The following PIGL variants were observed in gnomAD, a reference collection of about 807,000 sequenced individuals.
PIGL encodes the protein N-acetylglucosaminyl-phosphatidylinositol de-N-acetylase.
A neutral mutation model predicts 31.1 loss-of-function variants in PIGL; 22 were observed. The ratio of observed to expected loss-of-function variants is 0.71; its 90% confidence interval spans 0.51 to 1.01. The LOEUF (loss-of-function observed/expected upper bound fraction) is 1.01, where lower values mean the gene tolerates loss of function less well. PIGL is among the 50% of genes least tolerant of loss of function. PIGL has a pLI of 0.00. For missense variants in PIGL, 302 were observed against 315.9 expected, an observed-to-expected ratio of 0.96 and a Z score of 0.33; for synonymous variants, 131 against 117.4, an observed-to-expected ratio of 1.12 and a Z score of -0.75.
chr17:16,295,864 C>T (rs975283571), intron 2 of PIGL, among the ~76,000 whole-genome samples: 3 of 152,224 alleles, frequency 2.0e-5, no homozygotes, highest in South Asian at 2.1e-4. Context: ...TCACTTGAAC[C>T]GGGGAGGCAG....
chr17:16,245,818 A>T (rs975445555), intron 2 of PIGL, among the ~76,000 whole-genome samples: 4,298 of 112,748 alleles, frequency 0.038, 226 homozygotes, highest in African/African-American at 0.13. Flanking sequence ...ATATATATAT[A>T]TATTTTTTTT....
At chr17:16,297,564 T>C (rs529755029) in intron 2 of PIGL, among the ~76,000 whole-genome samples, 3 of 152,346 alleles carry the variant, frequency 2.0e-5, no homozygotes, top group Non-Finnish European at 4.4e-5. Context: ...GCTATTGTCA[T>C]TCCAAGACAT....
intron 3 of PIGL, among the ~76,000 whole-genome samples, chr17:16,306,356 G>A (rs1285706805): frequency 2.6e-5 from 4 of 152,024 alleles, no homozygotes. Context: ...GACATTCCAT[G>A]TTGAAATAAC....
At chr17:16,227,513 T>C (rs1030268365) in intron 1 of PIGL, among the ~76,000 whole-genome samples, 27 of 152,164 alleles carry the variant, frequency 1.8e-4, no homozygotes, top group Non-Finnish European at 3.7e-4. Context: ...GCTGATAATA[T>C]AGCATGTGAC....
intron 2 of PIGL, among the ~76,000 whole-genome samples, chr17:16,266,908 G>C (rs1278417977): frequency 9.2e-5 from 1 of 10,890 alleles, no homozygotes; most frequent in Non-Finnish European, 8.4e-4. Flanking sequence ...TTTTTTTTTG[G>C]GGGGGGGGGG....
At chr17:16,290,495 G>A (rs2092955984) in intron 2 of PIGL, among the ~76,000 whole-genome samples, 1 of 152,102 alleles carries the variant, frequency 6.6e-6, no homozygotes, top group Non-Finnish European at 1.5e-5. Flanking sequence ...CCAGGCTCAA[G>A]TGATCCTTAT....
chr17:16,274,463 C>A (rs2092885256), intron 2 of PIGL, among the ~76,000 whole-genome samples: 1 of 152,184 alleles, frequency 6.6e-6, no homozygotes, highest in Admixed American at 6.5e-5. Context: ...TGACTCACAC[C>A]TGTAATCCCA....
intron 4 of PIGL, among the ~76,000 whole-genome samples, chr17:16,313,845 C>A (rs1369099469): frequency 2.0e-5 from 3 of 152,128 alleles, no homozygotes; most frequent in Non-Finnish European, 4.4e-5. Flanking sequence ...CAGCTGAATT[C>A]TTTTTTATAC....
chr17:16,278,137 C>T (rs2092903169), intron 2 of PIGL, among the ~76,000 whole-genome samples: 1 of 151,958 alleles, frequency 6.6e-6, no homozygotes, highest in Admixed American at 6.6e-5. Context: ...CTCACCGCAA[C>T]CTCTGCCTCC....
At chr17:16,260,677 G>T (rs1282461752) in intron 2 of PIGL, among the ~76,000 whole-genome samples, 2 of 152,128 alleles carry the variant, frequency 1.3e-5, no homozygotes, top group Non-Finnish European at 2.9e-5. Flanking sequence ...CCTGCTTGCA[G>T]AAAGGAGCTA....
At chr17:16,263,092 TTG>T (rs1491266422) in intron 2 of PIGL, among the ~76,000 whole-genome samples, 1 of 20,778 alleles carries the variant, frequency 4.8e-5, no homozygotes, top group Non-Finnish European at 3.9e-4. Flanking sequence ...TATGGTTTAT[TTG>T]GGGGGGGGGG....
intron 6 of PIGL, among the ~76,000 whole-genome samples, chr17:16,320,482 C>CGAGG (rs2093100466): frequency 7.7e-6 from 1 of 130,708 alleles, no homozygotes; most frequent in Admixed American, 8.3e-5. Context: ...AGGGAGGAAA[C>CGAGG]GAGGGAGGGA....
intron 2 of PIGL, among the ~76,000 whole-genome samples, chr17:16,250,923 G>A (rs996247942): frequency 2.0e-5 from 3 of 152,116 alleles, no homozygotes; most frequent in Non-Finnish European, 4.4e-5. Flanking sequence ...TTTCACAAAG[G>A]CAGTCTCATT....
At chr17:16,292,624 G>T (rs1001900569) in intron 2 of PIGL, among the ~76,000 whole-genome samples, 8 of 152,070 alleles carry the variant, frequency 5.3e-5, no homozygotes, top group African/African-American at 1.9e-4. Context: ...CTAAAAAATT[G>T]GAAACAACCT....
intron 2 of PIGL, among the ~76,000 whole-genome samples, chr17:16,291,951 G>T (rs1168628041): frequency 6.6e-6 from 1 of 151,102 alleles, no homozygotes; most frequent in Non-Finnish European, 1.5e-5. Flanking sequence ...AACATAGCAA[G>T]ACCCCATGGC....
intron 6 of PIGL, 21 bp downstream of exon 6, chr17:16,317,929 G>A (rs1225861695): frequency 1.3e-6 from 2 of 1,591,208 alleles, no homozygotes; most frequent in East Asian, 4.5e-5. Flanking sequence ...TAAATTCCTG[G>A]ACACCCCAAC....
At chr17:16,255,797 T>C (rs2092791384) in intron 2 of PIGL, among the ~76,000 whole-genome samples, 1 of 152,222 alleles carries the variant, frequency 6.6e-6, no homozygotes, top group Non-Finnish European at 1.5e-5. Context: ...AAGGGCACAG[T>C]TCCAGTCCCT....
At chr17:16,277,030 G>A (rs1466634449) in intron 2 of PIGL, among the ~76,000 whole-genome samples, 1 of 152,188 alleles carries the variant, frequency 6.6e-6, no homozygotes, top group Non-Finnish European at 1.5e-5. Flanking sequence ...ATATCTATAT[G>A]AGTTGGGTAA....
chr17:16,263,093 TG>T (rs60411653), intron 2 of PIGL, among the ~76,000 whole-genome samples: 122,677 of 139,984 alleles, frequency 0.88, 54,701 homozygotes, highest in Non-Finnish European at 0.97. Context: ...ATGGTTTATT[TG>T]GGGGGGGGGG....
Sources: allele counts gnomAD v4.1 joint callset (sites outside exome capture counted in the v4.1 genomes callset), GRCh38; gene constraint gnomAD v4.1.1; transcripts MANE v1.5; gene names NCBI Gene and HGNC (gene_info 2026-07-23, HGNC 2026-07-21).